The following MTMR9 variants were observed in gnomAD, a reference collection of about 807,000 sequenced individuals.
MTMR9 encodes myotubularin related protein 9.
In MTMR9, 39 loss-of-function variants were observed where a neutral mutation model predicts 69.5. The observed-to-expected ratio is 0.56, with a 90% CI of 0.43 to 0.73. The LOEUF (loss-of-function observed/expected upper bound fraction) is 0.73, where lower values mean the gene tolerates loss of function less well. MTMR9 is among the 30% of genes least tolerant of loss of function. The pLI is 0.00. For synonymous variants in MTMR9, 354 were observed against 240.8 expected, an observed-to-expected ratio of 1.47 and a Z score of -4.35; for missense variants, 900 against 671.2, an observed-to-expected ratio of 1.34 and a Z score of -3.77.
the MTMR9 span, among the ~76,000 whole-genome samples, chr8:11,333,268 C>CA: frequency 1.3e-5 from 2 of 152,148 alleles, no homozygotes; most frequent in African/African-American, 4.8e-5. Flanking sequence ...ATCAACTCAT[C>CA]ACATTACAAG....
Position 11,306,861 on chromosome 8 carries a change from C to A in MTMR9, c.809+454C>A, listed in dbSNP as rs1799958361. On this transcript the variant is annotated intron_variant, in intron 5 of 9. Transcript: ENST00000221086. ...ACATGTCCCCATATCTGTGTCCCTC[C>A]TACCCCGACCCCTCCTGCTACTTTC... 4.6e-5 allele frequency among the ~76,000 whole-genome samples: 7 copies of A among 152,118 alleles called. No homozygotes were observed. The South Asian group carries it at 1.5e-3, about 32-fold the overall frequency.
intron 3 of MTMR9, among the ~76,000 whole-genome samples, chr8:11,304,427 G>T (rs191397443): frequency 1.3e-5 from 2 of 152,292 alleles, no homozygotes; most frequent in Admixed American, 6.5e-5. Context: ...GATGTTGGCC[G>T]TGATAATTGT....
At chr8:11,289,851 A>C (rs1799318054) in intron 1 of MTMR9, among the ~76,000 whole-genome samples, 1 of 152,206 alleles carries the variant, frequency 6.6e-6, no homozygotes, top group African/African-American at 2.4e-5. Flanking sequence ...TAGGATTCCA[A>C]AGTATCTAAA....
intron 6 of MTMR9, 31 bp downstream of exon 6, chr8:11,309,719 A>T: frequency 6.2e-7 from 1 of 1,607,886 alleles, no homozygotes. Context: ...CCTGAGCGAA[A>T]CATGGCGCTG....
At chr8:11,334,253 C>A in the MTMR9 span, among the ~76,000 whole-genome samples, 1 of 152,100 alleles carries the variant, frequency 6.6e-6, no homozygotes, top group Non-Finnish European at 1.5e-5. Context: ...CATAAAAAAA[C>A]AGTATTAATG....
chr8:11,290,172 C>T (rs752626419), intron 1 of MTMR9, among the ~76,000 whole-genome samples: 38 of 151,994 alleles, frequency 2.5e-4, no homozygotes, highest in Non-Finnish European at 5.0e-4. Context: ...ATAGTTATTG[C>T]TTTGTTTTAA....
In MTMR9 at chr8:11,314,753, G is replaced by C. The variant is rs368294232; in HGVS notation, c.972-170G>C. Among the ~76,000 whole-genome samples, 90 of 152,260 alleles carry C rather than the reference G, an allele frequency of 5.9e-4. 1 individual carries two copies. In the South Asian group the frequency reaches 0.018, roughly 31 times the overall value. ...TTATCTATCGTATGCCTTAGATTTA[G>C]ATTTAGATTCTGAACTCTACAAGTC... On this transcript the variant is annotated intron_variant, in intron 6 of 9. Coordinates refer to ENST00000221086, the MANE Select transcript of MTMR9 (RefSeq NM_015458.4).
In MTMR9 at chr8:11,284,924, G is replaced by T. The variant is rs750056255; in HGVS notation, c.36G>T (p.Val12=). The change falls in exon 1 of 10, where the codon GTG becomes GTT. Residue 12 remains valine (V), a synonymous_variant. Transcript: ENST00000221086. The part of the protein sequence containing the change: ...EFAELIKTPR[V]DNVVLHRPFY... ...CGGAGCTGATTAAGACCCCGCGGGT[G>T]GACAATGTGGTGCTGCACCGGCCTT... 19 of 1,612,110 alleles carry T rather than the reference G, an allele frequency of 1.2e-5. No homozygotes were observed. The East Asian group carries it at 4.0e-4, about 34-fold the overall frequency.
downstream of MTMR9, chr8:11,331,979 T>G (rs12681987): frequency 7.2e-4 from 1,059 of 1,477,768 alleles, no homozygotes; most frequent in Admixed American, 2.2e-3. Context: ...CCGAGGTGGT[T>G]GTGGCCCTTA....
chr8:11,289,420 G>A (rs993783175), intron 1 of MTMR9, among the ~76,000 whole-genome samples: 1 of 151,512 alleles, frequency 6.6e-6, no homozygotes, highest in Non-Finnish European at 1.5e-5. Context: ...CATATATATC[G>A]CTTACATCAT....
At position 11,322,739 on chromosome 8, in the gene MTMR9, G is replaced by A; in HGVS notation, c.1601G>A (p.Arg534Lys). ...CAAGCAAAAGTCAATATCCTTCGAA[G>A]GCAGTTGGCAGAACTGGAAACAGAG... The part of the protein sequence containing the change: ...ELQAKVNILR[R>K]QLAELETEDG... The change falls in exon 10 of 10, where the codon AGG (arginine) becomes AAG (lysine). Residue 534 changes from arginine (R) to lysine (K), a missense_variant. By Grantham distance (26) the Arg-to-Lys change is conservative. Coordinates refer to ENST00000221086, the MANE Select transcript of MTMR9 (RefSeq NM_015458.4). The A allele has an allele frequency of 6.2e-7, 1 of 1,614,056 alleles. No homozygotes were observed. Among genetic ancestry groups the A allele is most frequent in the Non-Finnish European group, 8.5e-7 (1 of 1,179,980 alleles).
At chr8:11,331,382 C>T, downstream of MTMR9, 4 of 1,613,960 alleles carry the variant, frequency 2.5e-6, no homozygotes, top group Non-Finnish European at 8.5e-7. Flanking sequence ...TGCGTGGCGA[C>T]CCCCTTCTGG....
At chr8:11,315,429 C>G (rs1342055164) in intron 7 of MTMR9, among the ~76,000 whole-genome samples, 1 of 152,150 alleles carries the variant, frequency 6.6e-6, no homozygotes, top group African/African-American at 2.4e-5. Context: ...CGCTTTAACC[C>G]TTTCAAAGCC....
chr8:11,303,912 C>T lies in MTMR9; in HGVS notation c.418-929C>T, dbSNP rs142095498. ...TTTAATTAAAAATGTGATACTGTAT[C>T]TTATAAAAGCATTTTTTAAAAGTAA... On this transcript the variant is annotated intron_variant, in intron 3 of 9. Transcript: ENST00000221086. 2.0e-5 allele frequency among the ~76,000 whole-genome samples: 3 copies of T among 152,274 alleles called. No individual in the cohort carries two copies. The East Asian group carries it at 5.8e-4, about 29-fold the overall frequency.
At chr8:11,314,879 G>A (rs1249297690) in intron 6 of MTMR9, 44 bp from the exon 7 acceptor site, 1 of 1,597,292 alleles carries the variant, frequency 6.3e-7, no homozygotes, top group Admixed American at 1.7e-5. Context: ...CATTGACCAT[G>A]TTGGACATTT....
At chr8:11,322,299 T>A (rs1215119060) in intron 9 of MTMR9, among the ~76,000 whole-genome samples, 2 of 152,262 alleles carry the variant, frequency 1.3e-5, no homozygotes, top group Non-Finnish European at 2.9e-5. Context: ...TTGGAAAGTT[T>A]ATGACATTGC....
downstream of MTMR9, chr8:11,331,245 G>A (rs565907975): frequency 1.2e-6 from 2 of 1,613,840 alleles, no homozygotes; most frequent in East Asian, 2.2e-5. Context: ...CCTGCTGGGT[G>A]GGGGCCTGCC....
At chr8:11,317,156 G>T in intron 8 of MTMR9, 1 of 249,846 alleles carries the variant, frequency 4.0e-6, no homozygotes, top group Admixed American at 5.2e-5. Context: ...TCTTAACATA[G>T]GATCATAGTA....
At chr8:11,296,908 A>G (rs1404856207) in intron 2 of MTMR9, among the ~76,000 whole-genome samples, 1 of 152,140 alleles carries the variant, frequency 6.6e-6, no homozygotes, top group Non-Finnish European at 1.5e-5. Context: ...AATATTGAAT[A>G]TTGGTTCAGA....
Sources: gnomAD v4.1 joint callset for allele counts (sites outside exome capture counted in the v4.1 genomes callset) on GRCh38, gnomAD v4.1.1 for gene constraint, MANE v1.5 for transcripts, NCBI Gene and HGNC (gene_info 2026-07-23, HGNC 2026-07-21) for gene names.